The following RANBP2 variants were observed in gnomAD, a reference collection of about 807,000 sequenced individuals.
The protein encoded by RANBP2 is E3 SUMO-protein ligase RanBP2.
A neutral mutation model predicts 303.6 loss-of-function variants in RANBP2; 57 were observed. The ratio of observed to expected loss-of-function variants is 0.19; its 90% CI spans 0.15 to 0.23. The LOEUF (loss-of-function observed/expected upper bound fraction) is 0.23. Ranked by LOEUF, RANBP2 falls within the 10% of genes least tolerant of loss-of-function variation. The pLI is 1.00. For missense variants in RANBP2, 3,138 were observed against 3,780.8 expected, an observed-to-expected ratio of 0.83 and a Z score of 4.46; for synonymous variants, 1,167 against 1,301.5, an observed-to-expected ratio of 0.90 and a Z score of 2.23.
At chr2:109,015,013 G>A in the RANBP2 span, among the ~76,000 whole-genome samples, 1 of 150,952 alleles carries the variant, frequency 6.6e-6, no homozygotes, top group South Asian at 2.1e-4. Flanking sequence ...CCAGCTACTC[G>A]GGAGGCTGAG....
At chr2:109,160,182 T>C in the RANBP2 span, among the ~76,000 whole-genome samples, 2 of 152,134 alleles carry the variant, frequency 1.3e-5, no homozygotes, top group African/African-American at 4.8e-5. Flanking sequence ...AGTCACTCTC[T>C]GCCCTCAGGA....
At chr2:108,732,758 C>G (rs1324176432) in intron 4 of RANBP2, among the ~76,000 whole-genome samples, 2 of 152,284 alleles carry the variant, frequency 1.3e-5, no homozygotes, top group East Asian at 3.9e-4. Flanking sequence ...ATCTGTTCTC[C>G]ATCTTTATAC....
At chr2:109,402,096 G>A in the RANBP2 span, among the ~76,000 whole-genome samples, 2 of 152,250 alleles carry the variant, frequency 1.3e-5, no homozygotes, top group African/African-American at 4.8e-5. Context: ...GTGCAGGTGT[G>A]AGCTGTGTAT....
At chr2:108,824,177 C>G in the RANBP2 span, among the ~76,000 whole-genome samples, 3 of 149,416 alleles carry the variant, frequency 2.0e-5, no homozygotes, top group African/African-American at 7.4e-5. Context: ...AAAATTTTTT[C>G]TTCATTAACA....
the RANBP2 span, among the ~76,000 whole-genome samples, chr2:108,925,137 A>AT: frequency 2.4e-3 from 352 of 149,590 alleles, 1 homozygote; most frequent in Middle Eastern, 6.8e-3. Context: ...GTTCACGTCT[A>AT]TTGGTCCCGC....
At chr2:108,983,480 ATCCCACTGGAGCAT>A in the RANBP2 span, among the ~76,000 whole-genome samples, 13 of 152,220 alleles carry the variant, frequency 8.5e-5, no homozygotes, top group African/African-American at 2.9e-4. Flanking sequence ...AGACATCTGC[ATCCCACTGGAGCAT>A]TCCCCGTGGC....
At chr2:109,373,162 A>G in the RANBP2 span, among the ~76,000 whole-genome samples, 1 of 152,198 alleles carries the variant, frequency 6.6e-6, no homozygotes, top group Non-Finnish European at 1.5e-5. Flanking sequence ...TCTGCCCTCA[A>G]CACTTCGCAA....
chr2:109,621,912 C>CT, the RANBP2 span, among the ~76,000 whole-genome samples: 3 of 66,852 alleles, frequency 4.5e-5, no homozygotes, highest in South Asian at 5.0e-4. Context: ...GACTCCATCT[C>CT]AAAAATAAAT....
At chr2:109,180,366 C>G in the RANBP2 span, among the ~76,000 whole-genome samples, 2 of 152,184 alleles carry the variant, frequency 1.3e-5, no homozygotes, top group Non-Finnish European at 2.9e-5. Context: ...GGGACCATCT[C>G]ATTGGCTCAG....
At chr2:109,058,586 C>T in the RANBP2 span, among the ~76,000 whole-genome samples, 1 of 152,362 alleles carries the variant, frequency 6.6e-6, no homozygotes, top group East Asian at 1.9e-4. Flanking sequence ...GCCTCACCTC[C>T]CCATTTTTGT....
chr2:108,874,284 C>T, the RANBP2 span, among the ~76,000 whole-genome samples: 2 of 152,220 alleles, frequency 1.3e-5, no homozygotes, highest in Admixed American at 6.5e-5. Context: ...TTTTAGTAAA[C>T]TCTTATGGAC....
At chr2:109,176,309 C>T in the RANBP2 span, among the ~76,000 whole-genome samples, 1 of 152,168 alleles carries the variant, frequency 6.6e-6, no homozygotes, top group Admixed American at 6.5e-5. Flanking sequence ...AAGGTTATTT[C>T]ATTGAGGGCT....
chr2:108,722,275 T>G (rs2433798), intron 1 of RANBP2, among the ~76,000 whole-genome samples: 25 of 151,784 alleles, frequency 1.6e-4, no homozygotes, highest in Admixed American at 2.0e-4. Flanking sequence ...CCCCCAAATT[T>G]AAAGTCATTT....
At chr2:108,966,945 G>A in the RANBP2 span, among the ~76,000 whole-genome samples, 1 of 152,202 alleles carries the variant, frequency 6.6e-6, no homozygotes, top group Non-Finnish European at 1.5e-5. Flanking sequence ...GGGTTTGTTT[G>A]TTTGTTTGAG....
chr2:108,985,449 T>C, the RANBP2 span, among the ~76,000 whole-genome samples: 1 of 152,234 alleles, frequency 6.6e-6, no homozygotes, highest in Non-Finnish European at 1.5e-5. Flanking sequence ...CCGCCACAGG[T>C]GCATCTTCCT....
the RANBP2 span, among the ~76,000 whole-genome samples, chr2:109,631,924 CAAGATGGGGGCTGGTTACCAA>C: frequency 2.2e-4 from 33 of 152,110 alleles, no homozygotes; most frequent in East Asian, 6.2e-3. Flanking sequence ...TAGACAGCCT[CAAGATGGGGGCTGGTTACCAA>C]AAGACCCGCC....
chr2:108,755,530 CAG>C (rs1676241961), intron 17 of RANBP2, among the ~76,000 whole-genome samples: 1 of 151,934 alleles, frequency 6.6e-6, no homozygotes, highest in Admixed American at 6.6e-5. Context: ...GCCAGGACTA[CAG>C]ACAGTCACAC....
chr2:109,405,057 A>AC, the RANBP2 span, among the ~76,000 whole-genome samples: 1 of 140,860 alleles, frequency 7.1e-6, no homozygotes, highest in Non-Finnish European at 1.5e-5. Flanking sequence ...CTACACAAAT[A>AC]CCCCCCACCT....
the RANBP2 span, chr2:109,585,408 C>G: frequency 8.6e-7 from 1 of 1,158,364 alleles, no homozygotes; most frequent in Non-Finnish European, 1.2e-6. Flanking sequence ...TTTCAAAGAT[C>G]CCAAATATTT....
Sources: gnomAD v4.1 joint callset for allele counts (sites outside exome capture counted in the v4.1 genomes callset) on GRCh38, gnomAD v4.1.1 for gene constraint, MANE v1.5 for transcripts, NCBI Gene and HGNC (gene_info 2026-07-23, HGNC 2026-07-21) for gene names.